UCHL3: variants seen among roughly 807,000 people sequenced by gnomAD.
The protein encoded by UCHL3 is ubiquitin carboxyl-terminal hydrolase isozyme L3.
In UCHL3, 22 loss-of-function variants were observed where a neutral mutation model predicts 35.8. The ratio of observed to expected loss-of-function variants is 0.61; its 90% CI spans 0.44 to 0.88. The LOEUF is 0.88. UCHL3 is among the 40% of genes least tolerant of loss of function. UCHL3 has a pLI of 0.00. For missense variants in UCHL3, 229 were observed against 276.9 expected (o/e 0.83, Z 1.23); for synonymous variants, 90 against 92.8 (o/e 0.97, Z 0.17).
rs896155458 is a variant in UCHL3 at position 75,594,796 on chromosome 13, A to G, written c.475-119A>G. On this transcript the variant is annotated intron_variant, in intron 6 of 8. Transcript: ENST00000377595. ...CATTATACCAAACATTAAGCCTTGA[A>G]TTATATTGGATAAATGTTCTCTTAT... 3.9e-6 allele frequency: 3 copies of G among 777,724 alleles called. No homozygotes were observed. In the African/African-American group the frequency reaches 5.5e-5, roughly 14 times the overall value. The allele number at this position is 777,724 out of a possible 1,614,324, so 48.2% of individuals were successfully genotyped here. A position where few individuals can be genotyped will look rare whatever the true frequency, so the allele number is the denominator to read the frequency against.
chr13:75,562,883 A>G (rs1481732898), intron 3 of UCHL3, among the ~76,000 whole-genome samples: 1 of 152,218 alleles, frequency 6.6e-6, no homozygotes, highest in African/African-American at 2.4e-5. Flanking sequence ...TTATATAACT[A>G]TAATAACATG....
intron 6 of UCHL3, among the ~76,000 whole-genome samples, chr13:75,586,205 T>C (rs2032317999): frequency 6.6e-6 from 1 of 151,896 alleles, no homozygotes; most frequent in African/African-American, 2.4e-5. Context: ...AAAAGAAAGC[T>C]AGAGTAGTTA....
At chr13:75,550,444 A>G (rs143492625) in intron 2 of UCHL3, among the ~76,000 whole-genome samples, 2 of 152,036 alleles carry the variant, frequency 1.3e-5, no homozygotes, top group East Asian at 1.9e-4. Context: ...TCATCTTCCA[A>G]TCATCTCTTG....
chr13:75,561,838 C>A lies in UCHL3; in HGVS notation c.183+957C>A, dbSNP rs4325432. The stretch of plus-strand genomic sequence containing the variant: ...GTATACGTATATACGTACGTATATA[C>A]GTATACGTATACATACGTATACATA... On this transcript the variant is annotated intron_variant, in intron 3 of 8. Transcript: ENST00000377595. Among the ~76,000 whole-genome samples the A allele has an allele frequency of 1.8e-4, 11 of 60,110 alleles. 1 individual carries two copies. The allele number at this position is 60,110 out of a possible 152,430, so 39.4% of individuals were successfully genotyped here.
chr13:75,594,895 A>G lies in UCHL3; in HGVS notation c.475-20A>G. On this transcript the variant is annotated intron_variant, in intron 6 of 8. Transcript: ENST00000377595. The stretch of plus-strand genomic sequence containing the variant: ...TTGACTACTAATGTATATAATACCT[A>G]TTTTTCCCTCCTATTCCAGGCACCA... 6.3e-7 allele frequency: 1 copy of G among 1,592,002 alleles called. No individual in the cohort carries two copies. Among genetic ancestry groups the G allele is most frequent in the Non-Finnish European group, 8.6e-7 (1 of 1,168,680 alleles).
intron 6 of UCHL3, chr13:75,589,906 T>C (rs1217855119): frequency 4.7e-6 from 6 of 1,284,172 alleles, no homozygotes; most frequent in Non-Finnish European, 6.1e-6. Flanking sequence ...TAACGTGGTC[T>C]AAGTAAAATA....
At chr13:75,585,824 G>A (rs1303018232) in intron 6 of UCHL3, among the ~76,000 whole-genome samples, 6 of 151,894 alleles carry the variant, frequency 4.0e-5, no homozygotes, top group Admixed American at 6.6e-5. Context: ...AAGGTACTCC[G>A]TAACTAAAGA....
In UCHL3 at chr13:75,586,129, T is replaced by C. The variant is rs527707976; in HGVS notation, c.475-8786T>C. Reference sequence around the variant, plus strand: ...TTATATGCTGTTTACAAGAAAGTCATTTTAAAAAACGTAAGAAGATAACAA... The same window carrying C: ...TTATATGCTGTTTACAAGAAAGTCACTTTAAAAAACGTAAGAAGATAACAA... On this transcript the variant is annotated intron_variant, in intron 6 of 8. Transcript: ENST00000377595. 5.9e-5 allele frequency among the ~76,000 whole-genome samples: 9 copies of C among 152,128 alleles called. No individual in the cohort carries two copies. The South Asian group carries it at 1.5e-3, about 25-fold the overall frequency.
chr13:75,587,559 A>G, intron 6 of UCHL3, among the ~76,000 whole-genome samples: 2 of 152,292 alleles, frequency 1.3e-5, no homozygotes, highest in South Asian at 4.1e-4. Flanking sequence ...TTATCTTCAA[A>G]TGATTCAGGA....
chr13:75,595,641 G>T (rs2031236), intron 7 of UCHL3, among the ~76,000 whole-genome samples: 24 of 134,546 alleles, frequency 1.8e-4, no homozygotes, highest in East Asian at 1.2e-3. Context: ...CGTAATAGTT[G>T]TAATGATTGG....
intron 2 of UCHL3, among the ~76,000 whole-genome samples, chr13:75,556,058 T>G (rs546535462): frequency 1.3e-5 from 2 of 152,344 alleles, no homozygotes; most frequent in East Asian, 3.9e-4. Flanking sequence ...TTGACTTTCA[T>G]AAAATATGCC....
At chr13:75,552,175 G>A (rs1003676633) in intron 2 of UCHL3, among the ~76,000 whole-genome samples, 5 of 152,110 alleles carry the variant, frequency 3.3e-5, no homozygotes, top group African/African-American at 1.2e-4. Flanking sequence ...GCTTTTAGTG[G>A]GAGAATGGGC....
chr13:75,569,419 A>G, intron 5 of UCHL3, 41 bp from the exon 6 acceptor site: 9 of 1,523,496 alleles, frequency 5.9e-6, no homozygotes, highest in Non-Finnish European at 8.0e-6. Context: ...AAAGTTGAGT[A>G]TAGGCATTTT....
intron 7 of UCHL3, among the ~76,000 whole-genome samples, chr13:75,602,606 G>A (rs2032807037): frequency 6.6e-6 from 1 of 152,172 alleles, no homozygotes; most frequent in Non-Finnish European, 1.5e-5. Context: ...CAGTTTTGTG[G>A]TAGTAGTGTT....
At chr13:75,573,761 A>T (rs2031936452) in intron 6 of UCHL3, among the ~76,000 whole-genome samples, 1 of 152,212 alleles carries the variant, frequency 6.6e-6, no homozygotes, top group Non-Finnish European at 1.5e-5. Flanking sequence ...TTTCAAATAT[A>T]GTCACGTTGA....
chr13:75,560,911 G>T, intron 3 of UCHL3, 30 bp downstream of exon 3: 1 of 1,481,758 alleles, frequency 6.7e-7, no homozygotes, highest in Non-Finnish European at 8.9e-7. Context: ...GAAAGTTTCT[G>T]GTAAATACAA....
chr13:75,592,427 T>TAC (rs2032508214), intron 6 of UCHL3, among the ~76,000 whole-genome samples: 6 of 72,380 alleles, frequency 8.3e-5, no homozygotes, highest in African/African-American at 2.1e-4. Context: ...TATATATATA[T>TAC]ATATATATAT....
At chr13:75,596,352 G>A (rs577034096) in intron 7 of UCHL3, among the ~76,000 whole-genome samples, 1 of 152,208 alleles carries the variant, frequency 6.6e-6, no homozygotes, top group African/African-American at 2.4e-5. Flanking sequence ...GGACCTCCAG[G>A]ACAGTTTTGA....
chr13:75,567,729 G>A (rs2031729148), intron 5 of UCHL3, among the ~76,000 whole-genome samples: 1 of 151,964 alleles, frequency 6.6e-6, no homozygotes, highest in Non-Finnish European at 1.5e-5. Context: ...TGTATTTTTA[G>A]TAGAGACAGG....
Sources: gnomAD v4.1 joint callset for allele counts (sites outside exome capture counted in the v4.1 genomes callset) on GRCh38, gnomAD v4.1.1 for gene constraint, MANE v1.5 for transcripts, NCBI Gene and HGNC (gene_info 2026-07-23, HGNC 2026-07-21) for gene names.